The following GDPD5 variants were observed in gnomAD, a reference collection of about 807,000 sequenced individuals.
The protein encoded by GDPD5 is glycerophosphodiester phosphodiesterase domain containing 5, also known as glycerophosphodiester phosphodiesterase 2.
GDPD5 carries 48 observed loss-of-function variants against 75.1 expected under a neutral mutation model. The ratio of observed to expected loss-of-function variants is 0.64; its 90% CI spans 0.51 to 0.81. The LOEUF is 0.81. Among genes scored for constraint, GDPD5 ranks in the 40% least tolerant of loss-of-function variants. The pLI is 0.00. For synonymous variants in GDPD5, 336 were observed against 339.0 expected (o/e 0.99, Z 0.10); for missense variants, 706 against 822.6 (o/e 0.86, Z 1.73).
At chr11:75,470,205 C>T (rs1278913429) in intron 3 of GDPD5, among the ~76,000 whole-genome samples, 2 of 152,158 alleles carry the variant, frequency 1.3e-5, no homozygotes, top group South Asian at 2.1e-4. Flanking sequence ...GAGCAGAGGG[C>T]GTGAAGGCAC....
At chr11:75,473,364 C>T (rs2135349107) in intron 3 of GDPD5, among the ~76,000 whole-genome samples, 1 of 152,210 alleles carries the variant, frequency 6.6e-6, no homozygotes, top group East Asian at 1.9e-4. Flanking sequence ...CCTCCATCCA[C>T]CCACGCTGGG....
intron 1 of GDPD5, chr11:75,508,868 C>T (rs757602790): frequency 6.6e-6 from 1 of 152,316 alleles, no homozygotes; most frequent in African/African-American, 2.4e-5. Flanking sequence ...CTGGGCACAA[C>T]CTAGCCTTGT....
At chr11:75,442,025 G>A (rs1948830366) in intron 12 of GDPD5, among the ~76,000 whole-genome samples, 1 of 152,144 alleles carries the variant, frequency 6.6e-6, no homozygotes, top group Non-Finnish European at 1.5e-5. Context: ...AGTACGGGAG[G>A]GAAAACCCAA....
At chr11:75,500,143 G>A (rs942947192) in intron 1 of GDPD5, among the ~76,000 whole-genome samples, 5 of 152,096 alleles carry the variant, frequency 3.3e-5, no homozygotes, top group Admixed American at 6.5e-5. Flanking sequence ...AGGACTAGGC[G>A]GGTGTCTACA....
At chr11:75,505,516 A>G (rs145894778) in intron 1 of GDPD5, among the ~76,000 whole-genome samples, 4 of 152,284 alleles carry the variant, frequency 2.6e-5, no homozygotes, top group East Asian at 1.9e-4. Flanking sequence ...GTACCATCAG[A>G]GAATGACCTG....
In GDPD5 at chr11:75,442,588, G is replaced by C. The variant is rs1206017367; in HGVS notation, c.949-7C>G. Reference sequence around the variant, plus strand: ...CTGTCCAGAAGGGGTCAGTCTGGCAGGGACAGGGACACACACATGGCTGCA... The same window carrying C: ...CTGTCCAGAAGGGGTCAGTCTGGCACGGACAGGGACACACACATGGCTGCA... On this transcript the variant is annotated splice_polypyrimidine_tract_variant and splice_region_variant and intron_variant, in intron 11 of 16. Coordinates refer to ENST00000336898, the MANE Select transcript of GDPD5 (RefSeq NM_030792.8). 2 of 1,613,408 alleles carry C rather than the reference G, an allele frequency of 1.2e-6. No homozygotes were observed. Among genetic ancestry groups the C allele is most frequent in the South Asian group, 2.2e-5 (2 of 91,064 alleles).
chr11:75,439,961 GCT>G lies in GDPD5; in HGVS notation c.1474-2_1474-1del. ...CACATGAGACAGTACTCGTCCGGGG[GCT>G]GTGGACAGACGGCCCGAGGCCAACT... On this transcript the variant is annotated splice_acceptor_variant, in intron 14 of 16. Coordinates refer to ENST00000336898, the MANE Select transcript of GDPD5 (RefSeq NM_030792.8). LOFTEE classifies it high-confidence loss of function. 1 of 1,611,426 alleles carries G rather than the reference GCT, an allele frequency of 6.2e-7. No individual in the cohort carries two copies. Among genetic ancestry groups the G allele is most frequent in the Non-Finnish European group, 8.5e-7 (1 of 1,178,104 alleles).
At position 75,435,559 on chromosome 11, in the gene GDPD5, G is replaced by A; in HGVS notation, c.1766C>T (p.Pro589Leu). ...YANSTATPVG[P>L]RGGGSHTKTL... Reference sequence around the variant, plus strand: ...CTTGGTGTGGCTGCCACCCCCTCGGGGGCCCACAGGGGTGGCGGTGCTGTT... The same window carrying A: ...CTTGGTGTGGCTGCCACCCCCTCGGAGGCCCACAGGGGTGGCGGTGCTGTT... The change falls in exon 17 of 17, where the codon CCC becomes CTC. Residue 589 changes from proline to leucine, a missense_variant. Transcript: ENST00000336898. The A allele has an allele frequency of 6.2e-7, 1 of 1,613,204 alleles. No homozygotes were observed. Among genetic ancestry groups the A allele is most frequent in the South Asian group, 1.1e-5 (1 of 91,012 alleles).
At chr11:75,468,575 A>C (rs754711721) in intron 3 of GDPD5, among the ~76,000 whole-genome samples, 1 of 152,208 alleles carries the variant, frequency 6.6e-6, no homozygotes, top group Non-Finnish European at 1.5e-5. Context: ...TGCTCTGTAA[A>C]ATGGGGACAG....
intron 2 of GDPD5, among the ~76,000 whole-genome samples, chr11:75,487,400 A>C (rs1025866079): frequency 6.6e-6 from 1 of 152,024 alleles, no homozygotes; most frequent in Non-Finnish European, 1.5e-5. Flanking sequence ...AGGCTCGGGG[A>C]GGAGGTGCCT....
chr11:75,449,626 G>A lies in GDPD5; in HGVS notation c.475-16C>T. Reference sequence around the variant, plus strand: ...GCGCTGTGCCCTGTTTGCAGGGAGAGGGAAGGGAGACCAGTAACGCCCAGC... The same window carrying A: ...GCGCTGTGCCCTGTTTGCAGGGAGAAGGAAGGGAGACCAGTAACGCCCAGC... On this transcript the variant is annotated splice_polypyrimidine_tract_variant and intron_variant, in intron 7 of 16. Coordinates refer to ENST00000336898, the MANE Select transcript of GDPD5 (RefSeq NM_030792.8). 1 of 1,564,926 alleles carries A rather than the reference G, an allele frequency of 6.4e-7. No homozygotes were observed. Among genetic ancestry groups the A allele is most frequent in the Non-Finnish European group, 8.7e-7 (1 of 1,154,192 alleles).
At chr11:75,440,402 T>C (rs1331710649) in intron 14 of GDPD5, among the ~76,000 whole-genome samples, 1 of 152,188 alleles carries the variant, frequency 6.6e-6, no homozygotes, top group East Asian at 1.9e-4. Context: ...TTAGGTCTGA[T>C]TCATTGGCAC....
chr11:75,472,666 G>T (rs1949695461), intron 3 of GDPD5, among the ~76,000 whole-genome samples: 1 of 152,148 alleles, frequency 6.6e-6, no homozygotes, highest in South Asian at 2.1e-4. Context: ...TCAGCAAGAT[G>T]GCAGTCACAT....
chr11:75,457,843 G>A, intron 4 of GDPD5, 57 bp from the exon 5 acceptor site: 2 of 1,388,248 alleles, frequency 1.4e-6, no homozygotes, highest in South Asian at 2.3e-5. Context: ...ACCTGGCCCA[G>A]GAATCAGGAT....
At chr11:75,485,103 C>T (rs549557893) in intron 2 of GDPD5, among the ~76,000 whole-genome samples, 1 of 152,328 alleles carries the variant, frequency 6.6e-6, no homozygotes. Flanking sequence ...AAGCTATATA[C>T]TGTATAATTC....
chr11:75,442,744 C>A, intron 11 of GDPD5, 163 bp from the exon 12 acceptor site: 2 of 647,698 alleles, frequency 3.1e-6, no homozygotes, highest in Non-Finnish European at 5.3e-6. Context: ...AGGCCCCAGC[C>A]CTAACCTTTC....
At position 75,435,758 on chromosome 11, in the gene GDPD5, G is replaced by A. The variant is rs1948609932; in HGVS notation, c.1670-103C>T. On this transcript the variant is annotated intron_variant, in intron 16 of 16. Transcript: ENST00000336898. ...GCTGCACCACCCAGCGGGGCACTTG[G>A]AGGCTGATGAAACCACTGGGCTCAG... The A allele has an allele frequency of 2.6e-5, 32 of 1,212,408 alleles. No individual in the cohort carries two copies. The South Asian group carries it at 3.4e-4, about 13-fold the overall frequency. The allele number at this position is 1,212,408 out of a possible 1,614,324, so 75.1% of individuals were successfully genotyped here.
chr11:75,487,261 T>C (rs1950036590), intron 2 of GDPD5, among the ~76,000 whole-genome samples: 1 of 152,206 alleles, frequency 6.6e-6, no homozygotes, highest in South Asian at 2.1e-4. Context: ...CTGTACAGCC[T>C]TGGGGAAGTC....
At chr11:75,503,060 G>A (rs901254542) in intron 1 of GDPD5, among the ~76,000 whole-genome samples, 4 of 152,144 alleles carry the variant, frequency 2.6e-5, no homozygotes, top group South Asian at 2.1e-4. Flanking sequence ...TCGCTTTATC[G>A]CCCAGGCTGG....
Sources: allele counts gnomAD v4.1 joint callset (sites outside exome capture counted in the v4.1 genomes callset), GRCh38; gene constraint gnomAD v4.1.1; transcripts MANE v1.5; gene names NCBI Gene and HGNC (gene_info 2026-07-23, HGNC 2026-07-21).